The following CRYM variants were observed in gnomAD, a reference collection of about 807,000 sequenced individuals.
The protein encoded by CRYM is ketimine reductase mu-crystallin.
CRYM carries 18 observed loss-of-function variants against 32.9 expected under a neutral mutation model. That is an observed-to-expected ratio of 0.55 (90% confidence interval 0.38 to 0.81). The LOEUF (loss-of-function observed/expected upper bound fraction) is 0.81, where lower values mean the gene tolerates loss of function less well. Ranked by LOEUF, CRYM falls within the 30% of genes least tolerant of loss-of-function variation. The pLI, the probability that CRYM is intolerant of heterozygous loss-of-function variation, is 0.00. For missense variants in CRYM, 337 were observed against 393.5 expected, an observed-to-expected ratio of 0.86 and a Z score of 1.21; for synonymous variants, 153 against 152.4, an observed-to-expected ratio of 1.00 and a Z score of -0.03.
intron 3 of CRYM, among the ~76,000 whole-genome samples, chr16:21,271,351 T>G (rs777213492): frequency 6.6e-6 from 1 of 152,210 alleles, no homozygotes; most frequent in African/African-American, 2.4e-5. Flanking sequence ...AATAAAACCC[T>G]CTTCTGCCTT....
At position 21,277,559 on chromosome 16, in the gene CRYM, T is replaced by C. The variant is rs2093389366; in HGVS notation, c.196A>G (p.Ser66Gly). The part of the protein sequence containing the change: ...RGYLGVMPAY[S>G]AAEDALTTKL... ...GTGGTCAGTGCATCCTCTGCAGCAC[T>C]GTAGGCGGGCATGACCCCCAGGTAG... Residue 66 changes from serine (S) to glycine (G), a missense_variant, in exon 2 of 8, where the codon AGT becomes GGT. Ser to Gly is a moderately conservative substitution (Grantham distance 56). Transcript: ENST00000572914. This position sits in a 1 kb window ranked among gnomAD's most constrained non-coding sequence, Gnocchi z 4.2. The C allele has an allele frequency of 6.2e-7, 1 of 1,613,946 alleles. No individual in the cohort carries two copies.
chr16:21,302,490 C>A (rs1231620188), intron 1 of CRYM, among the ~76,000 whole-genome samples: 1 of 152,158 alleles, frequency 6.6e-6, no homozygotes, highest in Non-Finnish European at 1.5e-5. Flanking sequence ...ATACTTTATG[C>A]AAAGCTGTTG....
At chr16:21,263,605 C>T (rs2093358558) in intron 5 of CRYM, among the ~76,000 whole-genome samples, 1 of 152,204 alleles carries the variant, frequency 6.6e-6, no homozygotes, top group African/African-American at 2.4e-5. Context: ...ATGGAGAAGT[C>T]TCGTCAGAAA....
upstream of CRYM, among the ~76,000 whole-genome samples, chr16:21,280,991 G>A (rs545051892): frequency 1.3e-5 from 2 of 152,104 alleles, no homozygotes; most frequent in East Asian, 3.9e-4. Context: ...TGTAATCCCA[G>A]CTACTCAGGA....
In CRYM at chr16:21,275,756, C is replaced by A. The variant is rs3743700; in HGVS notation, c.325-162G>T. On this transcript the variant is annotated intron_variant, in intron 2 of 7. Coordinates refer to ENST00000572914, the MANE Select transcript of CRYM (RefSeq NM_001376256.1). Reference sequence around the variant, plus strand: ...CCGATTCCTCCACTTACGAGATATGCAACTTTGAACAAACACTTTAATCTT... The same window carrying A: ...CCGATTCCTCCACTTACGAGATATGAAACTTTGAACAAACACTTTAATCTT... Among the ~76,000 whole-genome samples the A allele has an allele frequency of 0.017, 2,533 of 152,276 alleles. 90 individuals are homozygous for A. The highest frequency in any genetic ancestry group is 0.081 in the East Asian group (422 of 5,188).
intron 3 of CRYM, among the ~76,000 whole-genome samples, chr16:21,273,696 C>T (rs1567234469): frequency 6.6e-6 from 1 of 152,180 alleles, no homozygotes; most frequent in Non-Finnish European, 1.5e-5. Context: ...CTTCAGGAAA[C>T]CCAAGTTTCT....
At position 21,277,645 on chromosome 16, in the gene CRYM, G is replaced by T; in HGVS notation, c.171-61C>A. ...CATCAATGCTGGGGTCTCTTAGAAA[G>T]TATCCATATACTTTCCTTTTTCTTT... On this transcript the variant is annotated intron_variant, in intron 1 of 7. Transcript: ENST00000572914. This position sits in a 1 kb window ranked among gnomAD's most constrained non-coding sequence, Gnocchi z 4.2. 1 of 1,593,104 alleles carries T rather than the reference G, an allele frequency of 6.3e-7. No individual in the cohort carries two copies.
At chr16:21,292,951 CATGGATGG>C (rs914006411) in intron 1 of CRYM, among the ~76,000 whole-genome samples, 1 of 151,196 alleles carries the variant, frequency 6.6e-6, no homozygotes, top group African/African-American at 2.4e-5. Flanking sequence ...AAGATAAATG[CATGGATGG>C]ATGGATGGAT....
upstream of CRYM, chr16:21,278,301 C>T (rs1478456494): frequency 1.3e-6 from 2 of 1,546,482 alleles, no homozygotes; most frequent in East Asian, 2.4e-5. Flanking sequence ...GATCCACGTA[C>T]CCTCGGCTGT....
chr16:21,262,600 C>G (rs1413926437), intron 5 of CRYM, among the ~76,000 whole-genome samples: 2 of 152,130 alleles, frequency 1.3e-5, no homozygotes, highest in Non-Finnish European at 2.9e-5. Context: ...GCCTGGGCAA[C>G]AGAGTGAGGC....
At chr16:21,297,139 A>T (rs1960805507) in intron 1 of CRYM, among the ~76,000 whole-genome samples, 1 of 152,168 alleles carries the variant, frequency 6.6e-6, no homozygotes, top group Admixed American at 6.5e-5. Flanking sequence ...CACGCCTGTA[A>T]TCCCAGCACT....
chr16:21,265,835 A>G (rs575046709), intron 5 of CRYM, among the ~76,000 whole-genome samples: 4 of 152,192 alleles, frequency 2.6e-5, no homozygotes, highest in Non-Finnish European at 5.9e-5. Context: ...ACCAGAATCC[A>G]GTCTTCCTGT....
upstream of CRYM, among the ~76,000 whole-genome samples, chr16:21,283,026 G>A (rs898272321): frequency 4.6e-5 from 7 of 152,092 alleles, no homozygotes; most frequent in Admixed American, 3.9e-4. Flanking sequence ...GAAAGCTGGT[G>A]TAAATCTCTT....
At chr16:21,284,404 C>T (rs1427287862) in intron 1 of CRYM, among the ~76,000 whole-genome samples, 1 of 152,074 alleles carries the variant, frequency 6.6e-6, no homozygotes, top group Non-Finnish European at 1.5e-5. Context: ...CGATGTTGTG[C>T]GACCAACACT....
intron 1 of CRYM, among the ~76,000 whole-genome samples, chr16:21,287,755 C>G (rs1172803050): frequency 6.6e-6 from 1 of 152,234 alleles, no homozygotes; most frequent in Non-Finnish European, 1.5e-5. Context: ...GGAGAGGGCA[C>G]AGAAGCTCTG....
intron 5 of CRYM, among the ~76,000 whole-genome samples, chr16:21,266,564 A>T (rs894724921): frequency 6.6e-6 from 1 of 152,152 alleles, no homozygotes; most frequent in African/African-American, 2.4e-5. Flanking sequence ...AAAAGCATAT[A>T]CATGTCACAT....
chr16:21,286,675 TA>T (rs1328803443), intron 1 of CRYM, among the ~76,000 whole-genome samples: 1 of 152,214 alleles, frequency 6.6e-6, no homozygotes, highest in Admixed American at 6.5e-5. Flanking sequence ...CACTTTTATG[TA>T]AATATGACTC....
intron 5 of CRYM, among the ~76,000 whole-genome samples, chr16:21,263,505 A>G (rs1392313614): frequency 6.6e-6 from 1 of 152,118 alleles, no homozygotes; most frequent in Non-Finnish European, 1.5e-5. Flanking sequence ...GCCTGCCACT[A>G]TGCCCCTTTC....
intron 1 of CRYM, chr16:21,283,613 G>C (rs1207900378): frequency 6.6e-6 from 1 of 150,762 alleles, no homozygotes; most frequent in African/African-American, 2.4e-5. Flanking sequence ...AACGGATGAA[G>C]TATCTCGGAA....
Sources: gnomAD v4.1 joint callset for allele counts (sites outside exome capture counted in the v4.1 genomes callset) on GRCh38, gnomAD v4.1.1 for gene constraint, Gnocchi (gnomAD v3.1) non-coding constraint, MANE v1.5 for transcripts, NCBI Gene and HGNC (gene_info 2026-07-23, HGNC 2026-07-21) for gene names.